CCDC171: variants seen among roughly 807,000 people sequenced by gnomAD.
CCDC171 encodes coiled-coil domain containing 171.
In CCDC171, 177 loss-of-function variants were observed where a neutral mutation model predicts 168.2. The observed-to-expected ratio is 1.05, with a 90% confidence interval of 0.93 to 1.19. The LOEUF is 1.19. CCDC171 is among the 50% of genes most tolerant of loss of function. The pLI, the probability that CCDC171 is intolerant of heterozygous loss-of-function variation, is 0.00. For missense variants in CCDC171, 1,991 were observed against 1,539.0 expected, an observed-to-expected ratio of 1.29 and a Z score of -4.91; for synonymous variants, 687 against 540.8, an observed-to-expected ratio of 1.27 and a Z score of -3.75.
At chr9:16,098,060 C>T in the CCDC171 span, among the ~76,000 whole-genome samples, 4 of 152,180 alleles carry the variant, frequency 2.6e-5, no homozygotes, top group Admixed American at 2.0e-4. Flanking sequence ...AAACAATCAG[C>T]GTAGCCTTTG....
intron 1 of CCDC171, among the ~76,000 whole-genome samples, chr9:16,044,740 G>T (rs1833631004): frequency 1.3e-5 from 2 of 152,102 alleles, no homozygotes; most frequent in South Asian, 4.1e-4. Flanking sequence ...TGCACTCCCT[G>T]CAATGCTCCA....
chr9:15,702,917 T>G (rs62573119), intron 11 of CCDC171, among the ~76,000 whole-genome samples: 1 of 136,416 alleles, frequency 7.3e-6, no homozygotes, highest in Admixed American at 7.5e-5. Flanking sequence ...TTTTTTTTTT[T>G]CCCTGAGACG....
chr9:15,574,992 C>A (rs2040523763), intron 3 of CCDC171, among the ~76,000 whole-genome samples: 1 of 151,958 alleles, frequency 6.6e-6, no homozygotes, highest in South Asian at 2.1e-4. Flanking sequence ...TGGGAAAATA[C>A]TGTAAGGTTT....
At chr9:16,001,777 A>T (rs531237216) in intron 3 of CCDC171, among the ~76,000 whole-genome samples, 1 of 151,860 alleles carries the variant, frequency 6.6e-6, no homozygotes, top group Non-Finnish European at 1.5e-5. Context: ...CACTAAAATT[A>T]TGTATACTAC....
chr9:15,851,113 A>T (rs1008162468), intron 23 of CCDC171, among the ~76,000 whole-genome samples: 1 of 151,984 alleles, frequency 6.6e-6, no homozygotes, highest in Non-Finnish European at 1.5e-5. Context: ...GATGTTAAGG[A>T]ACTTAACCTG....
intron 7 of CCDC171, among the ~76,000 whole-genome samples, chr9:15,626,492 A>G (rs1057241716): frequency 7.9e-5 from 12 of 152,296 alleles, no homozygotes; most frequent in African/African-American, 2.6e-4. Flanking sequence ...CATCCCATCA[A>G]TACCTAGTTT....
At chr9:15,619,107 C>T (rs922571118) in intron 6 of CCDC171, among the ~76,000 whole-genome samples, 1 of 152,100 alleles carries the variant, frequency 6.6e-6, no homozygotes, top group African/African-American at 2.4e-5. Context: ...GTTCTTCCAA[C>T]TCTCCCTCTC....
intron 6 of CCDC171, among the ~76,000 whole-genome samples, chr9:15,601,352 T>C (rs2042837675): frequency 6.6e-6 from 1 of 152,216 alleles, no homozygotes; most frequent in Admixed American, 6.5e-5. Flanking sequence ...TATATGTCAT[T>C]ATTGAAAATA....
intron 24 of CCDC171, among the ~76,000 whole-genome samples, chr9:15,899,457 C>CT (rs1458678074): frequency 2.0e-5 from 3 of 152,110 alleles, no homozygotes; most frequent in Non-Finnish European, 4.4e-5. Flanking sequence ...CACTATGAAT[C>CT]TTTAAGAGAT....
At chr9:15,718,671 A>G (rs200332315) in intron 11 of CCDC171, among the ~76,000 whole-genome samples, 1 of 152,244 alleles carries the variant, frequency 6.6e-6, no homozygotes, top group Non-Finnish European at 1.5e-5. Context: ...AAGAGTCTCT[A>G]TGTAGTAATC....
chr9:16,036,842 A>T (rs1438292897), intron 8 of CCDC171, among the ~76,000 whole-genome samples: 1 of 122,468 alleles, frequency 8.2e-6, no homozygotes, highest in Non-Finnish European at 1.8e-5. Context: ...CTATTCAGCC[A>T]TAAAAAAGAA....
intron 6 of CCDC171, among the ~76,000 whole-genome samples, chr9:16,024,036 C>T (rs988263603): frequency 5.3e-5 from 8 of 151,968 alleles, no homozygotes; most frequent in African/African-American, 1.7e-4. Flanking sequence ...ATGAGGGAAG[C>T]AGAGGTCAGC....
At chr9:15,909,252 C>G (rs2131800497) in intron 24 of CCDC171, among the ~76,000 whole-genome samples, 1 of 152,274 alleles carries the variant, frequency 6.6e-6, no homozygotes, top group African/African-American at 2.4e-5. Context: ...GTTGGTGTTA[C>G]CATTGTAGAA....
rs1265985888 is a variant in CCDC171 at position 15,619,696 on chromosome 9, G to A, written c.676-3571G>A. ...TCTAGCTAAAATAATCGATGAAGGTGGCCACACTAAACAACAGATTTTCAT... is the reference window on the plus strand; with the variant it reads ...TCTAGCTAAAATAATCGATGAAGGTAGCCACACTAAACAACAGATTTTCAT... On this transcript the variant is annotated intron_variant, in intron 6 of 25. Transcript: ENST00000380701. 7.2e-5 allele frequency among the ~76,000 whole-genome samples: 11 copies of A among 152,224 alleles called. No individual in the cohort carries two copies. In the East Asian group the frequency reaches 2.1e-3, roughly 29 times the overall value.
intron 25 of CCDC171, among the ~76,000 whole-genome samples, chr9:15,960,922 C>T (rs1830272742): frequency 6.6e-6 from 1 of 151,956 alleles, no homozygotes; most frequent in Non-Finnish European, 1.5e-5. Context: ...CAGCTTGCAG[C>T]ATTCCACGAA....
At chr9:15,560,433 C>G (rs977337571) in intron 1 of CCDC171, among the ~76,000 whole-genome samples, 1 of 152,040 alleles carries the variant, frequency 6.6e-6, no homozygotes, top group Non-Finnish European at 1.5e-5. Flanking sequence ...TTTCTTTTTA[C>G]TCTTTTTTCT....
chr9:15,718,782 A>G (rs1588126356), intron 11 of CCDC171, among the ~76,000 whole-genome samples: 1 of 152,226 alleles, frequency 6.6e-6, no homozygotes. Context: ...CCTAATGCAG[A>G]TATAGCTGCA....
intron 11 of CCDC171, among the ~76,000 whole-genome samples, chr9:15,714,609 C>T (rs942145834): frequency 3.9e-5 from 6 of 152,042 alleles, no homozygotes; most frequent in African/African-American, 1.5e-4. Flanking sequence ...GGTACAGTTA[C>T]CCTGTTAGAT....
intron 24 of CCDC171, among the ~76,000 whole-genome samples, chr9:15,894,007 T>G (rs887725687): frequency 6.6e-6 from 1 of 152,142 alleles, no homozygotes; most frequent in Non-Finnish European, 1.5e-5. Flanking sequence ...TTCACAATAG[T>G]GAAGACATGA....
Sources: allele counts gnomAD v4.1 joint callset (sites outside exome capture counted in the v4.1 genomes callset), GRCh38; gene constraint gnomAD v4.1.1; transcripts MANE v1.5; gene names NCBI Gene and HGNC (gene_info 2026-07-23, HGNC 2026-07-21).